Variants in CCSER1 observed in about 807,000 individuals in gnomAD.
CCSER1 encodes the protein coiled-coil serine rich protein 1.
Under a neutral mutation model 82.0 loss-of-function variants are expected in CCSER1, and 41 were observed. That is an observed-to-expected ratio of 0.50 (90% CI 0.39 to 0.65). The LOEUF (loss-of-function observed/expected upper bound fraction) is 0.65. CCSER1 is among the 30% of genes least tolerant of loss of function. CCSER1 has a pLI of 0.00. For missense variants in CCSER1, 1,119 were observed against 1,064.2 expected, an observed-to-expected ratio of 1.05 and a Z score of -0.72; for synonymous variants, 414 against 383.9, an observed-to-expected ratio of 1.08 and a Z score of -0.92.
chr4:91,248,760 G>A (rs1390008410), intron 10 of CCSER1, among the ~76,000 whole-genome samples: 5 of 150,196 alleles, frequency 3.3e-5, no homozygotes, highest in Non-Finnish European at 5.9e-5. Context: ...AAAAGATATC[G>A]ACTTTAGTTA....
intron 10 of CCSER1, among the ~76,000 whole-genome samples, chr4:91,128,534 A>T (rs1332315098): frequency 6.6e-6 from 1 of 152,100 alleles, no homozygotes; most frequent in Non-Finnish European, 1.5e-5. Context: ...AAGATTATAC[A>T]TACATAGTTT....
chr4:90,413,565 G>T (rs1203218484), intron 4 of CCSER1, among the ~76,000 whole-genome samples: 4 of 152,040 alleles, frequency 2.6e-5, no homozygotes, highest in Non-Finnish European at 5.9e-5. Context: ...CACCAAAACA[G>T]CATGGTACTG....
At chr4:91,137,760 C>A (rs1728626560) in intron 10 of CCSER1, among the ~76,000 whole-genome samples, 1 of 151,944 alleles carries the variant, frequency 6.6e-6, no homozygotes, top group African/African-American at 2.4e-5. Context: ...AATCAATGTA[C>A]AAAAATCACA....
intron 10 of CCSER1, among the ~76,000 whole-genome samples, chr4:91,549,713 T>C (rs1477107764): frequency 6.6e-6 from 1 of 152,108 alleles, no homozygotes; most frequent in African/African-American, 2.4e-5. Context: ...GGTGCGCCTG[T>C]AATCCCAGCT....
intron 5 of CCSER1, among the ~76,000 whole-genome samples, chr4:90,568,068 A>C (rs1202840584): frequency 6.6e-6 from 1 of 152,220 alleles, no homozygotes; most frequent in Non-Finnish European, 1.5e-5. Flanking sequence ...ATACAATTTC[A>C]ATCTTATTAA....
chr4:91,144,602 T>C (rs1729370135), intron 10 of CCSER1, among the ~76,000 whole-genome samples: 1 of 151,918 alleles, frequency 6.6e-6, no homozygotes. Context: ...TTTAGCACTA[T>C]AACCTGTCCT....
intron 8 of CCSER1, among the ~76,000 whole-genome samples, chr4:90,823,215 A>T (rs1269054779): frequency 2.0e-5 from 3 of 152,012 alleles, no homozygotes; most frequent in Non-Finnish European, 2.9e-5. Context: ...TTTAAACTTC[A>T]CACACACACA....
At chr4:91,035,780 A>G (rs558183368) in intron 9 of CCSER1, among the ~76,000 whole-genome samples, 27 of 152,322 alleles carry the variant, frequency 1.8e-4, no homozygotes, top group African/African-American at 6.5e-4. Context: ...TCAATGTTTA[A>G]TTGTGGGTTT....
intron 8 of CCSER1, among the ~76,000 whole-genome samples, chr4:90,919,221 GAT>G (rs556152139): frequency 1.3e-5 from 2 of 151,194 alleles, no homozygotes; most frequent in Non-Finnish European, 3.0e-5. Flanking sequence ...ATATATATTT[GAT>G]ATGTTTCCTT....
At chr4:91,253,195 G>T (rs565916576) in intron 10 of CCSER1, among the ~76,000 whole-genome samples, 4 of 152,266 alleles carry the variant, frequency 2.6e-5, no homozygotes, top group Admixed American at 1.3e-4. Context: ...TGAGGATAAA[G>T]ACCTATATGA....
chr4:90,969,179 A>G (rs1431172006), intron 9 of CCSER1, among the ~76,000 whole-genome samples: 1 of 151,962 alleles, frequency 6.6e-6, no homozygotes, highest in Non-Finnish European at 1.5e-5. Context: ...ATTAAATGAA[A>G]CAGTATACAC....
chr4:91,258,197 A>G (rs908905296), intron 10 of CCSER1, among the ~76,000 whole-genome samples: 22 of 152,130 alleles, frequency 1.4e-4, no homozygotes, highest in African/African-American at 4.1e-4. Flanking sequence ...AGCTGAGTAG[A>G]AATGTATTTT....
At chr4:90,434,540 A>C (rs1272044292) in intron 4 of CCSER1, among the ~76,000 whole-genome samples, 2 of 152,190 alleles carry the variant, frequency 1.3e-5, no homozygotes, top group Admixed American at 6.5e-5. Context: ...TTAGTTTTAA[A>C]TGATAAGAAG....
intron 3 of CCSER1, among the ~76,000 whole-genome samples, chr4:90,374,597 A>G (rs1019430403): frequency 1.3e-5 from 2 of 152,134 alleles, no homozygotes; most frequent in East Asian, 1.9e-4. Context: ...TCCCTGTCCC[A>G]TATGTGTCAG....
intron 9 of CCSER1, among the ~76,000 whole-genome samples, chr4:91,040,325 C>CT (rs1210986103): frequency 6.6e-6 from 1 of 152,034 alleles, no homozygotes; most frequent in African/African-American, 2.4e-5. Flanking sequence ...GAAACTTTAT[C>CT]TTTTTGGAAT....
At chr4:90,948,110 A>C (rs1164405995) in intron 9 of CCSER1, among the ~76,000 whole-genome samples, 1 of 151,996 alleles carries the variant, frequency 6.6e-6, no homozygotes, top group African/African-American at 2.4e-5. Flanking sequence ...GTTGAGTGTA[A>C]AGTGAAATCC....
rs562303966 is a variant in CCSER1 at position 90,145,810 on chromosome 4, A to G, written c.-42+17979A>G. Among the ~76,000 whole-genome samples the G allele has an allele frequency of 4.9e-4, 75 of 152,280 alleles. 1 individual carries two copies. The highest frequency in any genetic ancestry group is 6.8e-3 in the Middle Eastern group (2 of 294). On this transcript the variant is annotated intron_variant, in intron 1 of 10. Coordinates refer to ENST00000509176, the MANE Select transcript of CCSER1 (RefSeq NM_001145065.2). ...AGCATCCTTGCCTAATATGTGCAAT[A>G]AAAACAAAACAATTGAACAGATTAT...
At chr4:91,144,277 A>G (rs997551946) in intron 10 of CCSER1, among the ~76,000 whole-genome samples, 5 of 151,214 alleles carry the variant, frequency 3.3e-5, no homozygotes, top group Non-Finnish European at 5.9e-5. Flanking sequence ...GTCTCTGAGG[A>G]TCTTTTGCAT....
chr4:90,214,490 T>A (rs1019518818), intron 1 of CCSER1, among the ~76,000 whole-genome samples: 11 of 152,162 alleles, frequency 7.2e-5, no homozygotes, highest in Admixed American at 2.6e-4. Context: ...CTCAGCATAA[T>A]CAGTAAATAT....
Sources: allele counts gnomAD v4.1 joint callset (sites outside exome capture counted in the v4.1 genomes callset), GRCh38; gene constraint gnomAD v4.1.1; transcripts MANE v1.5; gene names NCBI Gene and HGNC (gene_info 2026-07-23, HGNC 2026-07-21).